Variants in PLXNA4 observed in about 807,000 individuals in gnomAD.
The protein encoded by PLXNA4 is plexin-A4.
A neutral mutation model predicts 191.8 loss-of-function variants in PLXNA4; 44 were observed. The ratio of observed to expected loss-of-function variants is 0.23; its 90% CI spans 0.18 to 0.29. PLXNA4 has a LOEUF of 0.29. Among genes scored for constraint, PLXNA4 ranks in the 10% least tolerant of loss-of-function variants. The pLI is 1.00. For missense variants in PLXNA4, 1,800 were observed against 2,488.8 expected (o/e 0.72, Z 5.89); for synonymous variants, 1,082 against 1,009.5 (o/e 1.07, Z -1.36).
intron 4 of PLXNA4, among the ~76,000 whole-genome samples, chr7:132,276,598 C>T (rs1800290761): frequency 6.6e-6 from 1 of 152,168 alleles, no homozygotes; most frequent in African/African-American, 2.4e-5. Context: ...CAGAAATCTG[C>T]AGGTTTCTTG....
At chr7:132,362,896 A>G (rs1469808972) in intron 3 of PLXNA4, among the ~76,000 whole-genome samples, 1 of 152,222 alleles carries the variant, frequency 6.6e-6, no homozygotes, top group Admixed American at 6.5e-5. Context: ...AAAACTTGCC[A>G]TTTTAGCTAT....
rs532144931 is a variant in PLXNA4 at position 132,537,429 on chromosome 7, T to A, written c.-86-28650A>T. The stretch of plus-strand genomic sequence containing the variant: ...TTGGCCTGACACAATGAAAGTAGCC[T>A]CTTAGGAAGAAGCCTTAATCCTCTA... On this transcript the variant is annotated intron_variant, in intron 1 of 31. Coordinates refer to ENST00000321063, the MANE Select transcript of PLXNA4 (RefSeq NM_020911.2). Among the ~76,000 whole-genome samples the A allele has an allele frequency of 7.2e-5, 11 of 152,338 alleles. No individual in the cohort carries two copies. The South Asian group carries it at 2.3e-3, about 32-fold the overall frequency.
chr7:132,579,417 G>A (rs777945642), upstream of PLXNA4, among the ~76,000 whole-genome samples: 1 of 151,120 alleles, frequency 6.6e-6, no homozygotes, highest in African/African-American at 2.4e-5. Flanking sequence ...TCCTCATATC[G>A]GTTGTATTTG....
At chr7:132,418,088 C>G (rs776579260) in intron 3 of PLXNA4, among the ~76,000 whole-genome samples, 43 of 152,212 alleles carry the variant, frequency 2.8e-4, no homozygotes, top group Non-Finnish European at 5.6e-4. Context: ...GCCAACCAAC[C>G]CCAGCTCTTT....
chr7:132,567,512 T>C (rs1355067136), intron 1 of PLXNA4, among the ~76,000 whole-genome samples: 1 of 152,204 alleles, frequency 6.6e-6, no homozygotes, highest in Non-Finnish European at 1.5e-5. Flanking sequence ...TCTGACTTGA[T>C]GTGATCCCTA....
intron 1 of PLXNA4, among the ~76,000 whole-genome samples, chr7:132,516,404 T>C: frequency 6.6e-6 from 1 of 152,176 alleles, no homozygotes; most frequent in Non-Finnish European, 1.5e-5. Flanking sequence ...TGTCTTGTGT[T>C]AGCAAATTGG....
At position 132,534,322 on chromosome 7, in the gene PLXNA4, T is replaced by A. The variant is rs531653234; in HGVS notation, c.-86-25543A>T. On this transcript the variant is annotated intron_variant, in intron 1 of 31. Transcript: ENST00000321063. ...TCACCAGCCCCAGGGCCACCGCCCC[T>A]ACTAACTACTTCCACCATTAGACCC... Among the ~76,000 whole-genome samples the A allele has an allele frequency of 2.6e-5, 4 of 152,246 alleles. No individual in the cohort carries two copies. The South Asian group carries it at 8.3e-4, about 32-fold the overall frequency.
intron 3 of PLXNA4, among the ~76,000 whole-genome samples, chr7:132,443,635 C>T (rs1795783620): frequency 6.6e-6 from 1 of 152,158 alleles, no homozygotes; most frequent in Admixed American, 6.5e-5. Flanking sequence ...CCTGGATTGC[C>T]CTGGACTTGG....
intron 15 of PLXNA4, among the ~76,000 whole-genome samples, chr7:132,187,037 C>G (rs1342921682): frequency 6.6e-6 from 1 of 152,324 alleles, no homozygotes; most frequent in East Asian, 1.9e-4. Flanking sequence ...GATTGACCAG[C>G]TGGTACCACC....
intron 2 of PLXNA4, among the ~76,000 whole-genome samples, chr7:132,505,710 C>A (rs1798439995): frequency 6.6e-6 from 1 of 152,158 alleles, no homozygotes; most frequent in African/African-American, 2.4e-5. Flanking sequence ...AATTTTTAGG[C>A]CAAGGCTCTC....
Position 132,159,249 on chromosome 7 carries a change from G to A in PLXNA4, c.4660+224C>T, listed in dbSNP as rs572847168. ...CCAACAGACTACCAAGTGGCCCGTG[G>A]ACCCCTCTCTGCAAACTGTTCACTG... is the stretch of plus-strand genomic sequence containing the variant. On this transcript the variant is annotated intron_variant, in intron 25 of 31. Coordinates refer to ENST00000321063, the MANE Select transcript of PLXNA4 (RefSeq NM_020911.2). Among the ~76,000 whole-genome samples, 10 of 152,232 alleles carry A rather than the reference G, an allele frequency of 6.6e-5. No homozygotes were observed. The East Asian group carries it at 1.9e-3, about 29-fold the overall frequency.
chr7:132,601,934 G>A (rs1256737018), intron 2 of PLXNA4, among the ~76,000 whole-genome samples: 2 of 152,192 alleles, frequency 1.3e-5, no homozygotes, highest in Non-Finnish European at 2.9e-5. Flanking sequence ...CAATGTGGGA[G>A]CTGAGACTAT....
rs1794720730 is a variant in PLXNA4 at position 132,124,668 on chromosome 7, T to C, written c.*5811A>G. ...ATCCCTCACAGAGCCTCCTTAAAGT[T>C]TGAGGAAAGCTGATAAGAGATGTGT... On this transcript the variant is annotated 3_prime_UTR_variant, in exon 32 of 32. Coordinates refer to ENST00000321063, the MANE Select transcript of PLXNA4 (RefSeq NM_020911.2). The C allele has an allele frequency of 6.6e-6, 1 of 152,160 alleles. No homozygotes were observed. Among genetic ancestry groups the C allele is most frequent in the Non-Finnish European group, 1.5e-5 (1 of 68,030 alleles). The allele number at this position is 152,160 out of a possible 1,614,324, so 9.4% of individuals were successfully genotyped here. A position where few individuals can be genotyped will look rare whatever the true frequency, so the allele number is the denominator to read the frequency against.
intron 1 of PLXNA4, among the ~76,000 whole-genome samples, chr7:132,550,255 C>T (rs1361766590): frequency 2.0e-5 from 3 of 152,296 alleles, no homozygotes; most frequent in Non-Finnish European, 4.4e-5. Flanking sequence ...GAGCAGGATG[C>T]CCAGGAGTGG....
intron 2 of PLXNA4, among the ~76,000 whole-genome samples, chr7:132,628,641 T>C (rs1178118449): frequency 6.6e-6 from 1 of 152,098 alleles, no homozygotes; most frequent in Non-Finnish European, 1.5e-5. Flanking sequence ...TATTTTTCTC[T>C]TCCATTTCAG....
At chr7:132,456,113 T>A (rs1384557487) in intron 3 of PLXNA4, among the ~76,000 whole-genome samples, 1 of 96,108 alleles carries the variant, frequency 1.0e-5, no homozygotes, top group Non-Finnish European at 1.8e-5. Context: ...CCTCTGTTCT[T>A]TTTTTTTTTT....
intron 3 of PLXNA4, among the ~76,000 whole-genome samples, chr7:132,327,013 A>G (rs1264683027): frequency 1.0e-5 from 1 of 99,390 alleles, no homozygotes; most frequent in African/African-American, 3.4e-5. Context: ...AGGAAGAAAA[A>G]GAGGGAAGAG....
At chr7:132,131,537 A>C (rs1184348122) in intron 31 of PLXNA4, among the ~76,000 whole-genome samples, 2 of 152,120 alleles carry the variant, frequency 1.3e-5, no homozygotes, top group Non-Finnish European at 1.5e-5. Context: ...AAGGAGGCTC[A>C]AGGGAGGCGC....
chr7:132,432,980 G>A (rs1277067553), intron 3 of PLXNA4, among the ~76,000 whole-genome samples: 1 of 152,100 alleles, frequency 6.6e-6, no homozygotes, highest in Admixed American at 6.5e-5. Flanking sequence ...ACCATTGTAA[G>A]TGTTTCTCAT....
Sources: allele counts gnomAD v4.1 joint callset (sites outside exome capture counted in the v4.1 genomes callset), GRCh38; gene constraint gnomAD v4.1.1; transcripts MANE v1.5; gene names NCBI Gene and HGNC (gene_info 2026-07-23, HGNC 2026-07-21).